COMMD10: variants seen among roughly 807,000 people sequenced by gnomAD.
COMMD10 encodes the protein COMM domain-containing protein 10.
COMMD10 carries 33 observed loss-of-function variants against 28.9 expected under a neutral mutation model. The ratio of observed to expected loss-of-function variants is 1.14; its 90% confidence interval spans 0.87 to 1.53. The LOEUF is 1.53. COMMD10 is among the 40% of genes most tolerant of loss of function. The pLI is 0.00. For missense variants in COMMD10, 310 were observed against 233.4 expected, an observed-to-expected ratio of 1.33 and a Z score of -2.14; for synonymous variants, 110 against 81.7, an observed-to-expected ratio of 1.35 and a Z score of -1.87.
At chr5:116,101,528 G>C (rs993588220) in intron 4 of COMMD10, among the ~76,000 whole-genome samples, 2 of 152,134 alleles carry the variant, frequency 1.3e-5, no homozygotes, top group African/African-American at 4.8e-5. Flanking sequence ...CCAGGTTCAA[G>C]AGTTTCTCCC....
intron 5 of COMMD10, among the ~76,000 whole-genome samples, chr5:116,236,010 A>G (rs975974606): frequency 2.6e-5 from 4 of 152,058 alleles, no homozygotes; most frequent in African/African-American, 9.7e-5. Flanking sequence ...ACTCTTTTAT[A>G]TGTTTTATTT....
chr5:116,201,479 G>A (rs567296753), intron 5 of COMMD10, among the ~76,000 whole-genome samples: 1 of 152,076 alleles, frequency 6.6e-6, no homozygotes, highest in South Asian at 2.1e-4. Flanking sequence ...TCCCATGGAG[G>A]TTTCTACTTC....
chr5:116,219,770 A>G (rs1749197969), intron 5 of COMMD10, among the ~76,000 whole-genome samples: 1 of 152,180 alleles, frequency 6.6e-6, no homozygotes, highest in African/African-American at 2.4e-5. Context: ...TGAAAATACC[A>G]AATACTTTTC....
chr5:116,170,301 A>C (rs556381259), intron 5 of COMMD10, among the ~76,000 whole-genome samples: 1 of 152,230 alleles, frequency 6.6e-6, no homozygotes, highest in Non-Finnish European at 1.5e-5. Flanking sequence ...AGACCTCTTC[A>C]AGGGGAACTG....
At chr5:116,127,009 T>A (rs545561173) in intron 4 of COMMD10, among the ~76,000 whole-genome samples, 1 of 152,008 alleles carries the variant, frequency 6.6e-6, no homozygotes, top group South Asian at 2.1e-4. Context: ...TAGGAGAAAA[T>A]TTTTACAATC....
chr5:116,284,992 C>A (rs1751179063), intron 5 of COMMD10, among the ~76,000 whole-genome samples: 1 of 151,714 alleles, frequency 6.6e-6, no homozygotes, highest in African/African-American at 2.4e-5. Context: ...TGGATAAAAC[C>A]TTCTGTACAT....
At chr5:116,086,182 T>C (rs148443179) in intron 1 of COMMD10, among the ~76,000 whole-genome samples, 1 of 152,294 alleles carries the variant, frequency 6.6e-6, no homozygotes, top group East Asian at 1.9e-4. Context: ...GCCTATGCCA[T>C]ATGGAGAGGA....
At chr5:116,156,103 C>A (rs1317512788) in intron 5 of COMMD10, among the ~76,000 whole-genome samples, 1 of 152,056 alleles carries the variant, frequency 6.6e-6, no homozygotes, top group Non-Finnish European at 1.5e-5. Context: ...ATTTCACCTC[C>A]CTGGCCTTCC....
chr5:116,260,375 G>A (rs925063867), intron 5 of COMMD10, among the ~76,000 whole-genome samples: 2 of 151,790 alleles, frequency 1.3e-5, no homozygotes, highest in African/African-American at 4.9e-5. Context: ...TTTATTGTTA[G>A]TCATCCTGTT....
At chr5:116,113,107 G>A (rs1373125711) in intron 4 of COMMD10, among the ~76,000 whole-genome samples, 1 of 152,140 alleles carries the variant, frequency 6.6e-6, no homozygotes, top group African/African-American at 2.4e-5. Context: ...ATTCTTGGCT[G>A]ACAGTTGTTT....
At position 116,274,947 on chromosome 5, in the gene COMMD10, TG is replaced by T. The variant is rs1363024511; in HGVS notation, c.511-16569del. 4.6e-5 allele frequency among the ~76,000 whole-genome samples: 7 copies of T among 151,916 alleles called. No homozygotes were observed. In the East Asian group the frequency reaches 1.4e-3, roughly 29 times the overall value. The stretch of plus-strand genomic sequence containing the variant: ...AGATTCCTAATTTAAATACTGAGTT[TG>T]TACATCTAATGGCCTGCTGGTATTT... On this transcript the variant is annotated intron_variant, in intron 5 of 6. Coordinates refer to ENST00000274458, the MANE Select transcript of COMMD10 (RefSeq NM_016144.4).
At chr5:116,095,831 A>G (rs567341410) in intron 4 of COMMD10, among the ~76,000 whole-genome samples, 9 of 152,126 alleles carry the variant, frequency 5.9e-5, no homozygotes, top group Non-Finnish European at 8.8e-5. Context: ...CATTTTTTCT[A>G]TGTATGGATG....
chr5:116,239,837 C>T (rs1033979554), intron 5 of COMMD10, among the ~76,000 whole-genome samples: 2 of 152,144 alleles, frequency 1.3e-5, no homozygotes, highest in Non-Finnish European at 1.5e-5. Flanking sequence ...AGGACTGCTC[C>T]AGGTTTGCTG....
At chr5:116,129,352 T>C (rs902893513) in intron 4 of COMMD10, among the ~76,000 whole-genome samples, 25 of 146,056 alleles carry the variant, frequency 1.7e-4, no homozygotes, top group African/African-American at 5.7e-4. Context: ...GTATAGTATA[T>C]ATATGCTATA....
At chr5:116,156,443 T>C (rs748606637) in intron 5 of COMMD10, among the ~76,000 whole-genome samples, 3 of 152,204 alleles carry the variant, frequency 2.0e-5, no homozygotes, top group African/African-American at 4.8e-5. Context: ...TTCATTGATA[T>C]CTTCATTTCC....
chr5:116,231,790 AATTGGGAAAT>A, intron 5 of COMMD10, among the ~76,000 whole-genome samples: 1 of 152,278 alleles, frequency 6.6e-6, no homozygotes, highest in East Asian at 1.9e-4. Context: ...TAAAGAAATT[AATTGGGAAAT>A]AACAGTTGAA....
At position 116,092,654 on chromosome 5, in the gene COMMD10, A is replaced by G; in HGVS notation, c.353A>G (p.Gln118Arg). The part of the protein sequence containing the change: ...AFVNTWSSMG[Q>R]ETVEKFRQRI... ...GTCAATACGTGGTCTTCTATGGGTC[A>G]AGAAACAGTTGAAAAGTTCCGGCAG... Residue 118 changes from glutamine (Q) to arginine (R), a missense_variant, in exon 4 of 7, where the codon CAA becomes CGA. Transcript: ENST00000274458. 1 of 1,610,572 alleles carries G rather than the reference A, an allele frequency of 6.2e-7. No individual in the cohort carries two copies. Among genetic ancestry groups the G allele is most frequent in the Non-Finnish European group, 8.5e-7 (1 of 1,178,232 alleles).
intron 5 of COMMD10, among the ~76,000 whole-genome samples, chr5:116,189,218 G>T (rs557271311): frequency 4.0e-4 from 61 of 152,194 alleles, no homozygotes; most frequent in African/African-American, 1.4e-3. Context: ...CGCTGCATGA[G>T]ACTTCACATC....
At chr5:116,095,944 G>C (rs1366936913) in intron 4 of COMMD10, among the ~76,000 whole-genome samples, 1 of 151,902 alleles carries the variant, frequency 6.6e-6, no homozygotes, top group South Asian at 2.1e-4. Flanking sequence ...TCTTTTTCTG[G>C]AATCTCTCTT....
Sources: gnomAD v4.1 joint callset for allele counts (sites outside exome capture counted in the v4.1 genomes callset) on GRCh38, gnomAD v4.1.1 for gene constraint, MANE v1.5 for transcripts, NCBI Gene and HGNC (gene_info 2026-07-23, HGNC 2026-07-21) for gene names.